Variants in ADGRL3 observed in about 807,000 individuals in gnomAD.
ADGRL3 encodes calcium-independent alpha-latrotoxin receptor 3.
In ADGRL3, 62 loss-of-function variants were observed where a neutral mutation model predicts 153.5. That is an observed-to-expected ratio of 0.40 (90% confidence interval 0.33 to 0.50). ADGRL3 has a LOEUF of 0.50. Ranked by LOEUF, ADGRL3 falls within the 20% of genes least tolerant of loss-of-function variation. ADGRL3 has a pLI of 0.47. For missense variants in ADGRL3, 1,641 were observed against 1,859.4 expected (o/e 0.88, Z 2.16); for synonymous variants, 710 against 672.5 (o/e 1.06, Z -0.86).
rs539162796 is a variant in ADGRL3, at chr4:61,772,077, T to C, written c.1399+38523T>C. ...AAAGTCAAGCCAAGCTCTCAAGATA[T>C]AAAGTGAGACAAATAGGAACGCCAT... On this transcript the variant is annotated intron_variant, in intron 8 of 26. Transcript: ENST00000683033. Among the ~76,000 whole-genome samples, 9 of 152,226 alleles carry C rather than the reference T, an allele frequency of 5.9e-5. No individual in the cohort carries two copies. The East Asian group carries it at 1.7e-3, about 29-fold the overall frequency.
rs774255556 is a variant in ADGRL3, at chr4:61,756,052, G to A, written c.1399+22498G>A. Among the ~76,000 whole-genome samples, 51 of 152,114 alleles carry A rather than the reference G, an allele frequency of 3.4e-4. 1 individual carries two copies. Among genetic ancestry groups the A allele is most frequent in the African/African-American group, 1.2e-3 (49 of 41,496 alleles). ...GTAGTATAGTTTGAAGTCAGGTAGC[G>A]TGATGCCTCCAGCTTTGTTCTTTTG... On this transcript the variant is annotated intron_variant, in intron 8 of 26. Coordinates refer to ENST00000683033, the MANE Select transcript of ADGRL3 (RefSeq NM_001387552.1).
intron 6 of ADGRL3, among the ~76,000 whole-genome samples, chr4:61,680,413 TGTG>T: frequency 1.8e-5 from 1 of 56,642 alleles, no homozygotes; most frequent in Middle Eastern, 0.014. Flanking sequence ...CTCGTGTGTG[TGTG>T]TGTGTGTGTG....
chr4:61,567,351 A>G (rs1403377288), intron 4 of ADGRL3, among the ~76,000 whole-genome samples: 1 of 152,116 alleles, frequency 6.6e-6, no homozygotes, highest in Non-Finnish European at 1.5e-5. Context: ...CCCCAATTTT[A>G]TATGTTGAAA....
chr4:61,999,387 G>T (rs538626420), intron 21 of ADGRL3, among the ~76,000 whole-genome samples: 16 of 152,250 alleles, frequency 1.1e-4, no homozygotes, highest in African/African-American at 2.9e-4. Flanking sequence ...AAAAATAGTT[G>T]CAGTCCTTGA....
chr4:61,327,849 T>A lies in ADGRL3; in HGVS notation c.-239-55275T>A, dbSNP rs750445219. Among the ~76,000 whole-genome samples the A allele has an allele frequency of 1.3e-5, 2 of 152,174 alleles. 1 individual carries two copies. The highest frequency in any genetic ancestry group is 2.9e-5 in the Non-Finnish European group (2 of 68,006). Reference sequence around the variant, plus strand: ...AATGGAGAAATGGCCATTTAATTATTAATCCATGATGATGTTCAGTAGTTT... The same window carrying A: ...AATGGAGAAATGGCCATTTAATTATAAATCCATGATGATGTTCAGTAGTTT... On this transcript the variant is annotated intron_variant, in intron 1 of 26. Transcript: ENST00000683033.
intron 1 of ADGRL3, chr4:61,212,080 T>C (rs2148867827): frequency 6.6e-6 from 1 of 152,304 alleles, no homozygotes; most frequent in East Asian, 1.9e-4. Flanking sequence ...AACCCATGTA[T>C]GAGCTTTGCT....
At chr4:62,002,771 T>C (rs577577782) in intron 21 of ADGRL3, among the ~76,000 whole-genome samples, 13 of 152,266 alleles carry the variant, frequency 8.5e-5, no homozygotes, top group Admixed American at 1.3e-4. Context: ...AATATTCTCA[T>C]TGAGTTTCTG....
intron 2 of ADGRL3, among the ~76,000 whole-genome samples, chr4:61,490,823 C>G (rs1236442376): frequency 6.6e-6 from 1 of 152,058 alleles, no homozygotes; most frequent in African/African-American, 2.4e-5. Flanking sequence ...TGATGCTTTA[C>G]AATTCCATAG....
chr4:61,480,643 C>T (rs578009199), intron 2 of ADGRL3, among the ~76,000 whole-genome samples: 8 of 151,712 alleles, frequency 5.3e-5, no homozygotes, highest in South Asian at 2.1e-4. Flanking sequence ...ATTAGCTGGG[C>T]GGGGTTTCGG....
rs1176599117 is a variant in ADGRL3 at position 61,857,674 on chromosome 4, TCTTTCTTCCTTC to T, written c.1481-34958_1481-34947del. On this transcript the variant is annotated intron_variant, in intron 9 of 26. Transcript: ENST00000683033. ...TTCCTTCCTTCCTTCTTTCTTCCTT[TCTTTCTTCCTTC>T]CTTTCTTCCTTCCTTTCTTCCTTTC... 1.7e-3 allele frequency among the ~76,000 whole-genome samples: 228 copies of T among 133,120 alleles called. 1 individual carries two copies. Among genetic ancestry groups the T allele is most frequent in the East Asian group, 8.6e-3 (36 of 4,210 alleles). The allele number at this position is 133,120 out of a possible 152,430, so 87.3% of individuals were successfully genotyped here.
rs373585028 is a variant in ADGRL3, at chr4:61,892,792, T to A, written c.1617T>A (p.Ser539=). 105 of 1,613,704 alleles carry A rather than the reference T, an allele frequency of 6.5e-5. No individual in the cohort carries two copies. The highest frequency in any genetic ancestry group is 8.1e-5 in the Non-Finnish European group (96 of 1,179,860). Residue 539 remains serine, a synonymous_variant, in exon 10 of 27, where the codon TCT becomes TCA. Transcript: ENST00000683033. ...GAAACCGGAGTACTAGTACCCCATCTCCAGCTGTCGAGGTACTTGATGACA... is the reference window on the plus strand; with the variant it reads ...GAAACCGGAGTACTAGTACCCCATCACCAGCTGTCGAGGTACTTGATGACA... The part of the protein sequence containing the change: ...GRRNRSTSTP[S]PAVEVLDDMT...
chr4:61,901,605 A>G (rs2098664968), intron 11 of ADGRL3, among the ~76,000 whole-genome samples: 1 of 152,214 alleles, frequency 6.6e-6, no homozygotes, highest in Non-Finnish European at 1.5e-5. Context: ...TTATAGTAAA[A>G]TAGACAGATC....
chr4:61,524,779 T>G (rs2098550293), intron 4 of ADGRL3, among the ~76,000 whole-genome samples: 1 of 152,262 alleles, frequency 6.6e-6, no homozygotes, highest in African/African-American at 2.4e-5. Context: ...TGTTTTATAA[T>G]AATCAAAACA....
chr4:61,616,150 G>T (rs932682580), intron 5 of ADGRL3, among the ~76,000 whole-genome samples: 1 of 152,050 alleles, frequency 6.6e-6, no homozygotes. Context: ...ATATGAATTT[G>T]AATAAGTTAT....
At chr4:61,465,599 A>G (rs1203123903) in intron 2 of ADGRL3, among the ~76,000 whole-genome samples, 1 of 151,346 alleles carries the variant, frequency 6.6e-6, no homozygotes, top group African/African-American at 2.4e-5. Context: ...TTAAAAGAAA[A>G]TATGCAATAA....
At chr4:61,924,187 CA>C (rs2098783757) in intron 13 of ADGRL3, among the ~76,000 whole-genome samples, 1 of 152,108 alleles carries the variant, frequency 6.6e-6, no homozygotes, top group African/African-American at 2.4e-5. Context: ...ACATCTAACA[CA>C]GCTGATCACC....
intron 8 of ADGRL3, among the ~76,000 whole-genome samples, chr4:61,740,601 G>A (rs763528302): frequency 5.3e-5 from 8 of 152,094 alleles, no homozygotes; most frequent in Non-Finnish European, 1.2e-4. Flanking sequence ...AAATATTCAC[G>A]TGTTTTCCAG....
rs1385036617 is a variant in ADGRL3, at chr4:61,798,945, G to A, written c.1400-14864G>A. Among the ~76,000 whole-genome samples, 3 of 144,868 alleles carry A rather than the reference G, an allele frequency of 2.1e-5. No individual in the cohort carries two copies. In the Admixed American group the frequency reaches 2.1e-4, roughly 10 times the overall value. ...CTCTTTTCAGAAAGCTCTTTCTAAT[G>A]AGTTTAGGATATTTTATATGTATTA... On this transcript the variant is annotated intron_variant, in intron 8 of 26. Coordinates refer to ENST00000683033, the MANE Select transcript of ADGRL3 (RefSeq NM_001387552.1).
chr4:61,721,613 A>G (rs2096245108), intron 6 of ADGRL3, among the ~76,000 whole-genome samples: 2 of 152,202 alleles, frequency 1.3e-5, no homozygotes. Context: ...AGACACACCC[A>G]GGAACAATAC....
Sources: allele counts gnomAD v4.1 joint callset (sites outside exome capture counted in the v4.1 genomes callset), GRCh38; gene constraint gnomAD v4.1.1; transcripts MANE v1.5; gene names NCBI Gene and HGNC (gene_info 2026-07-23, HGNC 2026-07-21).